The following FRMD4A variants were observed in gnomAD, a reference collection of about 807,000 sequenced individuals.
FRMD4A encodes the protein FERM domain containing 4A.
A neutral mutation model predicts 129.1 loss-of-function variants in FRMD4A; 29 were observed. The observed-to-expected ratio is 0.22, with a 90% CI of 0.17 to 0.31. The LOEUF (loss-of-function observed/expected upper bound fraction) is 0.31. Among genes scored for constraint, FRMD4A ranks in the 10% least tolerant of loss-of-function variants. The pLI, the probability that FRMD4A is intolerant of heterozygous loss-of-function variation, is 1.00. For missense variants in FRMD4A, 1,272 were observed against 1,375.8 expected, an observed-to-expected ratio of 0.92 and a Z score of 1.19; for synonymous variants, 634 against 571.6, an observed-to-expected ratio of 1.11 and a Z score of -1.56.
At chr10:14,008,091 T>C (rs768500413) in intron 2 of FRMD4A, 3 of 1,303,444 alleles carry the variant, frequency 2.3e-6, no homozygotes, top group South Asian at 2.5e-5. Flanking sequence ...CAGAGATCCA[T>C]AAGGAATTTT....
intron 2 of FRMD4A, among the ~76,000 whole-genome samples, chr10:14,165,789 T>C (rs1226385214): frequency 2.0e-5 from 3 of 152,038 alleles, no homozygotes; most frequent in Non-Finnish European, 4.4e-5. Context: ...CGCTTATAAG[T>C]GGGAGATAAA....
At chr10:14,216,503 T>A (rs1291523176) in intron 2 of FRMD4A, among the ~76,000 whole-genome samples, 1 of 152,148 alleles carries the variant, frequency 6.6e-6, no homozygotes, top group Non-Finnish European at 1.5e-5. Flanking sequence ...AAACCCCATC[T>A]CTAAAAATAA....
intron 12 of FRMD4A, among the ~76,000 whole-genome samples, chr10:13,724,900 A>G (rs979434459): frequency 1.3e-5 from 2 of 152,180 alleles, no homozygotes; most frequent in African/African-American, 2.4e-5. Flanking sequence ...CCCCAAAGAC[A>G]TATCAGCTGC....
At chr10:14,064,732 C>T (rs1834975388) in intron 2 of FRMD4A, among the ~76,000 whole-genome samples, 1 of 152,046 alleles carries the variant, frequency 6.6e-6, no homozygotes, top group African/African-American at 2.4e-5. Flanking sequence ...TGCTCACCAT[C>T]ACACTCAGCT....
chr10:14,118,911 G>C (rs1299401122), intron 2 of FRMD4A, among the ~76,000 whole-genome samples: 1 of 152,086 alleles, frequency 6.6e-6, no homozygotes, highest in Admixed American at 6.5e-5. Context: ...CAACTCTCTG[G>C]CTCTCTTGGA....
At chr10:13,962,261 G>A (rs1358755518) in intron 2 of FRMD4A, among the ~76,000 whole-genome samples, 1 of 152,112 alleles carries the variant, frequency 6.6e-6, no homozygotes, top group Non-Finnish European at 1.5e-5. Context: ...CTCCCCAGAG[G>A]AGACCAGCCA....
chr10:14,327,104 C>A, intron 2 of FRMD4A: 1 of 397,138 alleles, frequency 2.5e-6, no homozygotes, highest in Non-Finnish European at 4.4e-6. Flanking sequence ...CTGACCGCAA[C>A]CCAGCCCTAG....
At chr10:13,660,178 C>T (rs1277279478) in intron 20 of FRMD4A, 138 bp downstream of exon 20, 8 of 625,100 alleles carry the variant, frequency 1.3e-5, no homozygotes, top group Non-Finnish European at 2.3e-5. Context: ...TGAGCACGGC[C>T]CCGTGAAAGG....
intron 16 of FRMD4A, among the ~76,000 whole-genome samples, chr10:13,671,483 G>A (rs1357748192): frequency 6.6e-6 from 1 of 152,116 alleles, no homozygotes; most frequent in Non-Finnish European, 1.5e-5. Context: ...AGTAGAAACT[G>A]AACATATAAT....
At chr10:14,199,547 G>C (rs538063653) in intron 2 of FRMD4A, among the ~76,000 whole-genome samples, 1 of 151,772 alleles carries the variant, frequency 6.6e-6, no homozygotes, top group Non-Finnish European at 1.5e-5. Context: ...CCACCACCAC[G>C]TCTGGCTAAT....
chr10:14,119,222 T>G (rs548247144), intron 2 of FRMD4A, among the ~76,000 whole-genome samples: 1 of 152,156 alleles, frequency 6.6e-6, no homozygotes, highest in East Asian at 1.9e-4. Context: ...CTGCAGCTTC[T>G]GTGAATGAAG....
At chr10:14,072,772 C>A (rs1835377130) in intron 2 of FRMD4A, among the ~76,000 whole-genome samples, 4 of 152,142 alleles carry the variant, frequency 2.6e-5, no homozygotes, top group Non-Finnish European at 5.9e-5. Context: ...AGTACATCTC[C>A]ATTTGCTACA....
intron 2 of FRMD4A, among the ~76,000 whole-genome samples, chr10:13,934,278 A>G (rs1285744746): frequency 6.6e-6 from 1 of 152,242 alleles, no homozygotes; most frequent in Non-Finnish European, 1.5e-5. Context: ...AGTGAGGTGT[A>G]GACAATCTAG....
At position 14,304,721 on chromosome 10, in the gene FRMD4A, C is replaced by A. The variant is rs72780832; in HGVS notation, c.45+25337G>T. 5.7e-3 allele frequency among the ~76,000 whole-genome samples: 866 copies of A among 152,304 alleles called. 19 individuals are homozygous for A. The South Asian group carries it at 0.061, about 11-fold the overall frequency. ...CACTTTAAAACTGTTTGCCTGAGGG[C>A]TCTGGGGCCAGGCAGTGGGAGAACT... is the stretch of plus-strand genomic sequence containing the variant. On this transcript the variant is annotated intron_variant, in intron 2 of 24. Coordinates refer to ENST00000357447, the MANE Select transcript of FRMD4A (RefSeq NM_018027.5).
chr10:13,798,538 A>G (rs1281958599), intron 4 of FRMD4A, among the ~76,000 whole-genome samples: 1 of 152,166 alleles, frequency 6.6e-6, no homozygotes, highest in Non-Finnish European at 1.5e-5. Context: ...AACACGGTGA[A>G]ACCCTGTCTC....
At chr10:14,225,347 A>G (rs1564399702) in intron 2 of FRMD4A, among the ~76,000 whole-genome samples, 1 of 152,244 alleles carries the variant, frequency 6.6e-6, no homozygotes, top group African/African-American at 2.4e-5. Context: ...CTAATGGATT[A>G]AAGCAGAGAG....
At chr10:13,724,916 G>A (rs74410259) in intron 12 of FRMD4A, among the ~76,000 whole-genome samples, 4,088 of 152,248 alleles carry the variant, frequency 0.027, 138 homozygotes, top group East Asian at 0.11. Flanking sequence ...GCTGCAGTAG[G>A]AAAACCGCTT....
intron 2 of FRMD4A, among the ~76,000 whole-genome samples, chr10:13,989,936 A>G (rs144913272): frequency 1.7e-3 from 259 of 152,336 alleles, no homozygotes; most frequent in Non-Finnish European, 3.0e-3. Context: ...AACCAGACCT[A>G]GAGTTCCTTT....
chr10:14,233,736 G>A (rs1011104271), intron 2 of FRMD4A, among the ~76,000 whole-genome samples: 5 of 152,212 alleles, frequency 3.3e-5, no homozygotes, highest in Admixed American at 1.3e-4. Flanking sequence ...AAAAGAATGC[G>A]CTCAGCACAG....
Sources: allele counts gnomAD v4.1 joint callset (sites outside exome capture counted in the v4.1 genomes callset), GRCh38; gene constraint gnomAD v4.1.1; transcripts MANE v1.5; gene names NCBI Gene and HGNC (gene_info 2026-07-23, HGNC 2026-07-21).